The following PAXIP1 variants were observed in gnomAD, a reference collection of about 807,000 sequenced individuals.
PAXIP1 encodes PAX interacting protein 1.
A neutral mutation model predicts 140.6 loss-of-function variants in PAXIP1; 19 were observed. The ratio of observed to expected loss-of-function variants is 0.14; its 90% CI spans 0.09 to 0.20. The LOEUF is 0.20. Among genes scored for constraint, PAXIP1 ranks in the 10% least tolerant of loss-of-function variants. The pLI is 1.00. For missense variants in PAXIP1, 920 were observed against 1,208.6 expected (o/e 0.76, Z 3.54); for synonymous variants, 442 against 444.6 (o/e 0.99, Z 0.07).
At chr7:154,966,050 C>T (rs1001871621) in intron 8 of PAXIP1, among the ~76,000 whole-genome samples, 4 of 152,182 alleles carry the variant, frequency 2.6e-5, no homozygotes, top group Non-Finnish European at 4.4e-5. Context: ...AGTCAAATGC[C>T]TCATTTCCTG....
intron 8 of PAXIP1, chr7:154,964,632 T>C (rs1585051348): frequency 6.6e-6 from 1 of 152,172 alleles, no homozygotes; most frequent in East Asian, 1.9e-4. Flanking sequence ...CAACTAACAC[T>C]TTATATTAGT....
chr7:154,944,376 AGCACCTGTGCCAGCTCC>A, intron 20 of PAXIP1: 1 of 443,316 alleles, frequency 2.3e-6, no homozygotes, highest in Non-Finnish European at 4.1e-6. Flanking sequence ...CGGGGACATC[AGCACCTGTGCCAGCTCC>A]GCAAGGTATC....
chr7:154,984,765 C>T (rs1045505933), intron 4 of PAXIP1, among the ~76,000 whole-genome samples: 2 of 152,106 alleles, frequency 1.3e-5, no homozygotes, highest in Non-Finnish European at 2.9e-5. Context: ...TCCAATGAGT[C>T]ATTATCTAAT....
chr7:154,952,902 T>A (rs748911662), intron 16 of PAXIP1, among the ~76,000 whole-genome samples: 1 of 151,404 alleles, frequency 6.6e-6, no homozygotes, highest in Non-Finnish European at 1.5e-5. Context: ...CATAAAATTT[T>A]AACTTTACTT....
At chr7:154,971,883 T>C (rs1281939052) in intron 6 of PAXIP1, among the ~76,000 whole-genome samples, 1 of 152,216 alleles carries the variant, frequency 6.6e-6, no homozygotes, top group Non-Finnish European at 1.5e-5. Flanking sequence ...TTTCTTCACA[T>C]CTAGAAGTAA....
rs1391672034 is a variant in PAXIP1, at chr7:154,968,617, CTGCTGCTGCTGGAGCAGGCTG to C, written c.1563_1583del (p.His521_Gln527del). On this transcript the variant is annotated inframe_deletion, in exon 7 of 21. Transcript: ENST00000404141. ...GCTGCTGCTGCTGAATCTGCTGTTG[CTGCTGCTGCTGGAGCAGGCTG>C]TGCTGCTGCTGGAGCTGGGCAAGCT... 2.8e-5 allele frequency: 20 copies of C among 715,122 alleles called. No individual in the cohort carries two copies. The highest frequency in any genetic ancestry group is 4.0e-5 in the Admixed American group (2 of 49,930). 44.3% of individuals were successfully genotyped at this position (715,122 alleles called of 1,614,324 possible).
intron 2 of PAXIP1, among the ~76,000 whole-genome samples, chr7:154,997,147 G>C (rs554900583): frequency 6.6e-6 from 1 of 152,162 alleles, no homozygotes; most frequent in African/African-American, 2.4e-5. Flanking sequence ...GGCAGTTTCC[G>C]ACCCTGGGTA....
intron 4 of PAXIP1, 165 bp from the exon 5 acceptor site, chr7:154,983,497 T>C (rs1809937021): frequency 5.5e-6 from 3 of 543,330 alleles, no homozygotes; most frequent in Non-Finnish European, 9.6e-6. Flanking sequence ...CTGCTTATTA[T>C]AACAAAAACT....
Position 154,968,909 on chromosome 7 carries a change from T to C in PAXIP1, c.1292A>G (p.Gln431Arg). ...AGGTTGCTGAGAGATCTGCTGCTGC[T>C]GCTGCTGCTGGAGCTGCATTATCTG... ...PQQIMQLQQQ[Q>R]QQQISQQPYP... The change falls in exon 7 of 21, where the codon CAG (glutamine) becomes CGG (arginine). Residue 431 changes from glutamine (Q) to arginine (R), a missense_variant. Around this residue, in one of 5 missense-constraint regions of PAXIP1, gnomAD observed 133 missense variants for 88.4 expected, o/e 1.50. Coordinates refer to ENST00000404141, the MANE Select transcript of PAXIP1 (RefSeq NM_007349.4). 7.8e-7 allele frequency: 1 copy of C among 1,275,086 alleles called. No homozygotes were observed. Among genetic ancestry groups the C allele is most frequent in the East Asian group, 2.5e-5 (1 of 39,464 alleles). The allele number at this position is 1,275,086 out of a possible 1,614,324, so 79.0% of individuals were successfully genotyped here.
intron 5 of PAXIP1, among the ~76,000 whole-genome samples, chr7:154,977,396 G>A (rs868783311): frequency 2.0e-5 from 3 of 152,194 alleles, no homozygotes; most frequent in Non-Finnish European, 4.4e-5. Context: ...GCCCCAAGGT[G>A]GCATTTGCAA....
intron 2 of PAXIP1, among the ~76,000 whole-genome samples, chr7:154,994,722 A>C (rs1810495006): frequency 6.6e-6 from 1 of 152,166 alleles, no homozygotes. Context: ...ATAACTCTAA[A>C]TAAGTATATT....
chr7:155,002,729 G>A (rs989981412), intron 1 of PAXIP1, 120 bp downstream of exon 1: 6 of 464,476 alleles, frequency 1.3e-5, no homozygotes, highest in African/African-American at 4.2e-5. Context: ...CAGCGGCCTC[G>A]GCGGACCCGA....
intron 5 of PAXIP1, among the ~76,000 whole-genome samples, chr7:154,976,548 C>T (rs1287366929): frequency 6.6e-6 from 1 of 152,210 alleles, no homozygotes; most frequent in Non-Finnish European, 1.5e-5. Context: ...AGGAAGGTCT[C>T]ACACCTGTAG....
intron 16 of PAXIP1, among the ~76,000 whole-genome samples, chr7:154,953,901 C>T (rs940976072): frequency 1.3e-5 from 2 of 152,104 alleles, no homozygotes; most frequent in African/African-American, 2.4e-5. Context: ...AGGACATTTA[C>T]ATACACCTGC....
intron 2 of PAXIP1, among the ~76,000 whole-genome samples, chr7:154,995,624 C>A (rs577599745): frequency 6.6e-6 from 1 of 152,140 alleles, no homozygotes; most frequent in African/African-American, 2.4e-5. Flanking sequence ...CCAAGGCGGG[C>A]GGATCACTTG....
intron 1 of PAXIP1, chr7:155,000,143 C>T (rs962523648): frequency 6.6e-6 from 1 of 152,158 alleles, no homozygotes; most frequent in African/African-American, 2.4e-5. Flanking sequence ...ACTTATTAAA[C>T]TTTTGCTCCA....
chr7:154,989,903 G>C (rs1287953672), intron 4 of PAXIP1, among the ~76,000 whole-genome samples: 1 of 152,130 alleles, frequency 6.6e-6, no homozygotes, highest in African/African-American at 2.4e-5. Flanking sequence ...ATATACAATA[G>C]GTTTCTTAAA....
chr7:154,999,955 C>T (rs149376006), intron 1 of PAXIP1: 1 of 152,232 alleles, frequency 6.6e-6, no homozygotes, highest in African/African-American at 2.4e-5. Flanking sequence ...CAACAGAAGC[C>T]AAGGAAGTGA....
chr7:154,983,113 G>A, intron 5 of PAXIP1, 106 bp downstream of exon 5: 1 of 598,940 alleles, frequency 1.7e-6, no homozygotes, highest in Admixed American at 3.5e-5. Flanking sequence ...ATCAGCTTTT[G>A]TAAATGAAAT....
Sources: allele counts gnomAD v4.1 joint callset (sites outside exome capture counted in the v4.1 genomes callset), GRCh38; gene constraint gnomAD v4.1.1; regional missense constraint gnomAD v4.1.1; transcripts MANE v1.5; gene names NCBI Gene and HGNC (gene_info 2026-07-23, HGNC 2026-07-21).